Variants in GTF2E2 observed in about 807,000 individuals in gnomAD.
GTF2E2 encodes general transcription factor IIE subunit 2, also known as transcription initiation factor IIE subunit beta.
Under a neutral mutation model 40.5 loss-of-function variants are expected in GTF2E2, and 21 were observed. That is an observed-to-expected ratio of 0.52 (90% CI 0.37 to 0.75). GTF2E2 has a LOEUF of 0.75. GTF2E2 is among the 30% of genes least tolerant of loss of function. The pLI, the probability that GTF2E2 is intolerant of heterozygous loss-of-function variation, is 0.00. For missense variants in GTF2E2, 298 were observed against 338.4 expected (o/e 0.88, Z 0.94); for synonymous variants, 117 against 121.6 (o/e 0.96, Z 0.25).
At chr8:30,653,119 G>A (rs779927255) in intron 2 of GTF2E2, among the ~76,000 whole-genome samples, 1 of 152,076 alleles carries the variant, frequency 6.6e-6, no homozygotes, top group Non-Finnish European at 1.5e-5. Flanking sequence ...TTCTAAAATT[G>A]GACTGTAATA....
intron 2 of GTF2E2, among the ~76,000 whole-genome samples, chr8:30,650,450 G>C (rs1802234126): frequency 6.6e-6 from 1 of 150,988 alleles, no homozygotes; most frequent in Admixed American, 6.6e-5. Flanking sequence ...AGCACTTTGG[G>C]AGGCTAAGGG....
intron 3 of GTF2E2, among the ~76,000 whole-genome samples, chr8:30,628,930 C>CAAA (rs200464263): frequency 1.4e-5 from 1 of 70,620 alleles, no homozygotes; most frequent in African/African-American, 5.1e-5. Context: ...GACTCCGTCT[C>CAAA]AAAAAAAAAA....
Position 30,653,556 on chromosome 8 carries a change from G to GT in GTF2E2, c.42dup (p.Arg15ThrfsTer16), listed in dbSNP as rs1563513747. On this transcript the variant is annotated frameshift_variant, in exon 2 of 8. Transcript: ENST00000355904. LOFTEE classifies it high-confidence loss of function. ...TCTACTACAGGAGTAGAAAGAGCTC[G>GT]TTTTTTGAACAGCTCCCTTTCTCTC... 2 of 1,613,140 alleles carry GT rather than the reference G, an allele frequency of 1.2e-6. No homozygotes were observed. The highest frequency in any genetic ancestry group is 1.7e-6 in the Non-Finnish European group (2 of 1,179,292).
At chr8:30,586,158 C>T (rs964604738) in intron 6 of GTF2E2, among the ~76,000 whole-genome samples, 7 of 152,154 alleles carry the variant, frequency 4.6e-5, no homozygotes, top group African/African-American at 9.7e-5. Context: ...TTTAACAACA[C>T]GTGTTATTAA....
chr8:30,613,820 A>G (rs1800815608), intron 4 of GTF2E2, among the ~76,000 whole-genome samples: 1 of 152,212 alleles, frequency 6.6e-6, no homozygotes, highest in Non-Finnish European at 1.5e-5. Flanking sequence ...TCATATTTTA[A>G]AGCGGTAAAC....
intron 6 of GTF2E2, among the ~76,000 whole-genome samples, chr8:30,594,076 G>A (rs967179607): frequency 2.6e-5 from 4 of 151,280 alleles, no homozygotes; most frequent in African/African-American, 4.9e-5. Context: ...GATTACAGGC[G>A]CATGCCACCA....
chr8:30,639,853 T>C (rs1004580204), intron 2 of GTF2E2, among the ~76,000 whole-genome samples: 2 of 151,950 alleles, frequency 1.3e-5, no homozygotes, highest in African/African-American at 4.8e-5. Flanking sequence ...AACCCAAAGG[T>C]TGCTGTAATA....
chr8:30,599,401 A>G (rs1342395512), intron 6 of GTF2E2, among the ~76,000 whole-genome samples: 1 of 152,090 alleles, frequency 6.6e-6, no homozygotes, highest in Non-Finnish European at 1.5e-5. Context: ...AACATGGTGA[A>G]ACCCTGTCTC....
intron 2 of GTF2E2, among the ~76,000 whole-genome samples, chr8:30,651,068 C>T (rs1563512216): frequency 6.6e-6 from 1 of 150,764 alleles, no homozygotes; most frequent in African/African-American, 2.4e-5. Flanking sequence ...ACTTCTTCAA[C>T]TGGAAAGGGC....
chr8:30,647,367 G>A (rs1431533372), intron 2 of GTF2E2, among the ~76,000 whole-genome samples: 1 of 152,160 alleles, frequency 6.6e-6, no homozygotes, highest in African/African-American at 2.4e-5. Context: ...GATCACCTGA[G>A]GTCAGGAGTT....
chr8:30,644,990 T>C (rs1802015266), intron 2 of GTF2E2, among the ~76,000 whole-genome samples: 1 of 152,162 alleles, frequency 6.6e-6, no homozygotes, highest in Admixed American at 6.5e-5. Context: ...GCTCAAGTGA[T>C]CTGCCCACAT....
chr8:30,580,565 G>T lies in GTF2E2; in HGVS notation c.644-169C>A, dbSNP rs4733500. ...ATCCACATGTGGGACACGGTGCAGG[G>T]AAAGGCCTGGAGACAGAACTGCACC... is the stretch of plus-strand genomic sequence containing the variant. On this transcript the variant is annotated intron_variant, in intron 6 of 7. Transcript: ENST00000355904. 2.6e-3 allele frequency among the ~76,000 whole-genome samples: 392 copies of T among 152,292 alleles called. 9 individuals carry two copies. The highest frequency in any genetic ancestry group is 0.018 in the Admixed American group (271 of 15,300).
rs575601908 is a variant in GTF2E2 at position 30,626,168 on chromosome 8, G to A, written c.258+8864C>T. On this transcript the variant is annotated intron_variant, in intron 3 of 7. Transcript: ENST00000355904. Reference sequence around the variant, plus strand: ...CTGCTTCTTACCACTCTGAAATGTTGCAAAACATGGATTATGTAGCAATAA... The same window carrying A: ...CTGCTTCTTACCACTCTGAAATGTTACAAAACATGGATTATGTAGCAATAA... Among the ~76,000 whole-genome samples, 21 of 152,314 alleles carry A rather than the reference G, an allele frequency of 1.4e-4. No individual in the cohort carries two copies. In the South Asian group the frequency reaches 1.5e-3, roughly 11 times the overall value.
intron 3 of GTF2E2, among the ~76,000 whole-genome samples, chr8:30,626,065 A>T (rs182645984): frequency 1.8e-4 from 28 of 152,324 alleles, no homozygotes; most frequent in Admixed American, 1.4e-3. Flanking sequence ...ATAGGACCAA[A>T]CAAACTCTAC....
chr8:30,585,395 G>C (rs1453641838), intron 6 of GTF2E2, among the ~76,000 whole-genome samples: 3 of 152,028 alleles, frequency 2.0e-5, no homozygotes, highest in Non-Finnish European at 4.4e-5. Context: ...TTAAGAAGAG[G>C]ATCAGCTACT....
intron 6 of GTF2E2, among the ~76,000 whole-genome samples, chr8:30,593,630 G>A (rs945888079): frequency 6.6e-6 from 1 of 152,070 alleles, no homozygotes; most frequent in African/African-American, 2.4e-5. Context: ...GTAGCACTAC[G>A]AGACTACAGG....
In GTF2E2 at chr8:30,581,999, T is replaced by A. The variant is rs143082153; in HGVS notation, c.644-1603A>T. On this transcript the variant is annotated intron_variant, in intron 6 of 7. Coordinates refer to ENST00000355904, the MANE Select transcript of GTF2E2 (RefSeq NM_002095.6). ...CTACTACACCCTAGACAAGACAGAC[T>A]GTTTTCTTTTTTTAAAATTTATTTA... 5.8e-3 allele frequency among the ~76,000 whole-genome samples: 878 copies of A among 152,302 alleles called. 4 individuals carry two copies. Among genetic ancestry groups the A allele is most frequent in the Non-Finnish European group, 9.7e-3 (657 of 68,014 alleles).
At chr8:30,628,358 A>T (rs1801345048) in intron 3 of GTF2E2, among the ~76,000 whole-genome samples, 1 of 152,212 alleles carries the variant, frequency 6.6e-6, no homozygotes, top group South Asian at 2.1e-4. Context: ...ACACACAAAG[A>T]GCAGGCTAAT....
intron 2 of GTF2E2, among the ~76,000 whole-genome samples, chr8:30,639,508 TAAG>T (rs1016538860): frequency 6.6e-5 from 10 of 151,814 alleles, no homozygotes; most frequent in African/African-American, 2.2e-4. Flanking sequence ...AAATATGTCC[TAAG>T]AAGAACTGGT....
Sources: allele counts gnomAD v4.1 joint callset (sites outside exome capture counted in the v4.1 genomes callset), GRCh38; gene constraint gnomAD v4.1.1; transcripts MANE v1.5; gene names NCBI Gene and HGNC (gene_info 2026-07-23, HGNC 2026-07-21).